Variants in GABRB1 observed in about 807,000 individuals in gnomAD.
GABRB1 encodes the protein gamma-aminobutyric acid type A receptor subunit beta1.
A neutral mutation model predicts 51.6 loss-of-function variants in GABRB1; 17 were observed. The observed-to-expected ratio is 0.33, with a 90% CI of 0.23 to 0.49. The LOEUF (loss-of-function observed/expected upper bound fraction) is 0.49, where lower values mean the gene tolerates loss of function less well. Among genes scored for constraint, GABRB1 ranks in the 20% least tolerant of loss-of-function variants. The probability of loss-of-function intolerance (pLI) is 0.99; values close to 1 mark genes in which losing one functional copy is unlikely to be tolerated. For synonymous variants in GABRB1, 247 were observed against 218.9 expected, an observed-to-expected ratio of 1.13 and a Z score of -1.14; for missense variants, 410 against 600.6, an observed-to-expected ratio of 0.68 and a Z score of 3.32.
At chr4:47,032,733 C>A (rs564892902) in intron 3 of GABRB1, 10 of 693,270 alleles carry the variant, frequency 1.4e-5, no homozygotes, top group Middle Eastern at 2.3e-4. Flanking sequence ...GTGACTGTTG[C>A]GCCGTGGATC....
intron 4 of GABRB1, among the ~76,000 whole-genome samples, chr4:47,304,368 AC>A (rs1724372459): frequency 6.6e-6 from 1 of 151,872 alleles, no homozygotes; most frequent in Non-Finnish European, 1.5e-5. Context: ...TTTAATTTGC[AC>A]CTCTAATGAT....
rs57780222 is a variant in GABRB1 at position 47,295,119 on chromosome 4, G to A, written c.462-25008G>A. ...AAAAACCCATCTGTACATCACCATC[G>A]TCAAAGACCAAAAGTAGATAAAACC... On this transcript the variant is annotated intron_variant, in intron 4 of 8. Transcript: ENST00000295454. Among the ~76,000 whole-genome samples, 1,123 of 152,192 alleles carry A rather than the reference G, an allele frequency of 7.4e-3. 12 individuals carry two copies. The highest frequency in any genetic ancestry group is 0.025 in the African/African-American group (1,049 of 41,520).
chr4:47,243,933 A>G (rs542444452), intron 4 of GABRB1, among the ~76,000 whole-genome samples: 57 of 152,274 alleles, frequency 3.7e-4, no homozygotes, highest in African/African-American at 1.3e-3. Context: ...GAATAGGATT[A>G]GTGAGAGAGG....
In GABRB1 at chr4:47,098,505, T is replaced by G. The variant is rs143929130; in HGVS notation, c.241-62744T>G. On this transcript the variant is annotated intron_variant, in intron 3 of 8. Coordinates refer to ENST00000295454, the MANE Select transcript of GABRB1 (RefSeq NM_000812.4). ...ATGTTATTTGTTATTATTATTACTT[T>G]TGGAAATCAGTGTCCTGATAGGGTA... Among the ~76,000 whole-genome samples, 83 of 152,288 alleles carry G rather than the reference T, an allele frequency of 5.5e-4. 1 individual carries two copies. In the East Asian group the frequency reaches 0.015, roughly 27 times the overall value.
intron 4 of GABRB1, among the ~76,000 whole-genome samples, chr4:47,170,728 C>A (rs1245550711): frequency 4.6e-5 from 7 of 152,106 alleles, no homozygotes; most frequent in Non-Finnish European, 7.4e-5. Context: ...AGAAAGAAAC[C>A]TGCTATTTCA....
intron 4 of GABRB1, among the ~76,000 whole-genome samples, chr4:47,187,259 C>T (rs1719220033): frequency 6.6e-6 from 1 of 151,886 alleles, no homozygotes; most frequent in Non-Finnish European, 1.5e-5. Flanking sequence ...ACTTTTGCTT[C>T]AAGTCACTCA....
At chr4:47,163,914 T>C (rs1718065033) in intron 4 of GABRB1, among the ~76,000 whole-genome samples, 1 of 152,042 alleles carries the variant, frequency 6.6e-6, no homozygotes, top group African/African-American at 2.4e-5. Context: ...CTAGGTAATT[T>C]ACAAACAAGA....
chr4:47,380,714 T>C (rs919693736), intron 5 of GABRB1, among the ~76,000 whole-genome samples: 1 of 152,236 alleles, frequency 6.6e-6, no homozygotes, highest in African/African-American at 2.4e-5. Flanking sequence ...ATCTCCTTGA[T>C]AGAATTCTAT....
At chr4:47,253,293 A>G (rs902966817) in intron 4 of GABRB1, among the ~76,000 whole-genome samples, 2 of 152,234 alleles carry the variant, frequency 1.3e-5, no homozygotes, top group Admixed American at 1.3e-4. Flanking sequence ...GTCAAAGGGG[A>G]ATCCCATTTG....
chr4:47,340,593 G>A (rs1271437337), intron 5 of GABRB1, among the ~76,000 whole-genome samples: 1 of 152,084 alleles, frequency 6.6e-6, no homozygotes, highest in Non-Finnish European at 1.5e-5. Flanking sequence ...GGATTAGCTG[G>A]ATCTCTGGGG....
At chr4:47,277,002 G>T (rs1379049759) in intron 4 of GABRB1, among the ~76,000 whole-genome samples, 1 of 151,992 alleles carries the variant, frequency 6.6e-6, no homozygotes, top group Non-Finnish European at 1.5e-5. Flanking sequence ...ACATAGGTAG[G>T]ATTCTAGGGG....
intron 4 of GABRB1, among the ~76,000 whole-genome samples, chr4:47,167,634 C>T (rs1718246671): frequency 6.6e-6 from 1 of 152,098 alleles, no homozygotes; most frequent in African/African-American, 2.4e-5. Context: ...AATGTAATTG[C>T]CATTGTGACA....
intron 4 of GABRB1, among the ~76,000 whole-genome samples, chr4:47,308,991 G>A (rs576742660): frequency 2.0e-5 from 3 of 152,208 alleles, no homozygotes; most frequent in Admixed American, 1.3e-4. Context: ...TAAGAATAAA[G>A]ATGCTTTAAT....
At position 47,403,680 on chromosome 4, in the gene GABRB1, C is replaced by T; in HGVS notation, c.804C>T (p.Asn268=). 1 of 1,613,492 alleles carries T rather than the reference C, an allele frequency of 6.2e-7. No individual in the cohort carries two copies. ...TGTCCTGGGTGTCTTTTTGGATCAA[C>T]TATGATGCATCTGCAGCCAGAGTCG... ...TILSWVSFWI[N]YDASAARVAL... The change falls in exon 7 of 9, where the codon AAC becomes AAT. Residue 268 remains asparagine (N), a synonymous_variant. Transcript: ENST00000295454.
At chr4:47,297,287 C>CA (rs578092217) in intron 4 of GABRB1, among the ~76,000 whole-genome samples, 38,162 of 78,456 alleles carry the variant, frequency 0.49, 11,073 homozygotes, top group East Asian at 0.96. Flanking sequence ...AATAGAGACA[C>CA]AAAAACCCTT....
At chr4:47,369,900 G>A (rs894688569) in intron 5 of GABRB1, among the ~76,000 whole-genome samples, 1 of 152,088 alleles carries the variant, frequency 6.6e-6, no homozygotes, top group East Asian at 1.9e-4. Context: ...ATGCAAAAAA[G>A]GGTAGCTATT....
intron 5 of GABRB1, among the ~76,000 whole-genome samples, chr4:47,335,165 C>T (rs2109980277): frequency 6.6e-6 from 1 of 152,244 alleles, no homozygotes; most frequent in Admixed American, 6.5e-5. Flanking sequence ...CAGCCATGGT[C>T]CAGATCCTGA....
chr4:47,180,688 G>A (rs773664775), intron 4 of GABRB1, among the ~76,000 whole-genome samples: 4 of 151,986 alleles, frequency 2.6e-5, no homozygotes, highest in East Asian at 1.9e-4. Context: ...AGTTTTGAAC[G>A]GGAGTTAATA....
chr4:47,073,995 A>G (rs1266549183), intron 3 of GABRB1, among the ~76,000 whole-genome samples: 1 of 152,234 alleles, frequency 6.6e-6, no homozygotes, highest in Non-Finnish European at 1.5e-5. Context: ...CTTTGGAAAT[A>G]TTAATATCAA....
Sources: gnomAD v4.1 joint callset for allele counts (sites outside exome capture counted in the v4.1 genomes callset) on GRCh38, gnomAD v4.1.1 for gene constraint, MANE v1.5 for transcripts, NCBI Gene and HGNC (gene_info 2026-07-23, HGNC 2026-07-21) for gene names.